EVL: variants seen among roughly 807,000 people sequenced by gnomAD.
EVL encodes the protein ena/VASP-like protein.
In EVL, 21 loss-of-function variants were observed where a neutral mutation model predicts 59.6. That is an observed-to-expected ratio of 0.35 (90% CI 0.25 to 0.51). The LOEUF is 0.51. Among genes scored for constraint, EVL ranks in the 20% least tolerant of loss-of-function variants. EVL has a pLI of 0.97. For synonymous variants in EVL, 198 were observed against 203.5 expected (o/e 0.97, Z 0.23); for missense variants, 462 against 546.6 (o/e 0.85, Z 1.54).
intron 7 of EVL, among the ~76,000 whole-genome samples, 191 bp from the exon 8 acceptor site, chr14:100,132,528 G>A (rs1248387222): frequency 6.6e-6 from 1 of 152,182 alleles, no homozygotes; most frequent in Non-Finnish European, 1.5e-5. Flanking sequence ...CACACGGAGG[G>A]CCTGGACATT....
chr14:100,107,476 T>C (rs1302668571), intron 3 of EVL: 2 of 395,536 alleles, frequency 5.1e-6, no homozygotes, highest in Non-Finnish European at 8.9e-6. Context: ...GGGGAGGATG[T>C]GTGCAGGCCA....
intron 1 of EVL, among the ~76,000 whole-genome samples, chr14:100,075,042 TGGG>T (rs35028831): frequency 1.3e-5 from 2 of 152,050 alleles, no homozygotes; most frequent in Non-Finnish European, 2.9e-5. Flanking sequence ...CTGTGTGACT[TGGG>T]GGAGCCACAC....
At chr14:100,032,004 T>C (rs982501070) in intron 1 of EVL, among the ~76,000 whole-genome samples, 4 of 152,360 alleles carry the variant, frequency 2.6e-5, no homozygotes, top group Middle Eastern at 3.4e-3. Context: ...ACCACTCTTA[T>C]TCATTTTTCA....
In EVL at chr14:99,972,436, G is replaced by T. The variant is rs907781965; in HGVS notation, c.5+379G>T. Among the ~76,000 whole-genome samples, 1 of 152,136 alleles carries T rather than the reference G, an allele frequency of 6.6e-6. No individual in the cohort carries two copies. Among genetic ancestry groups the T allele is most frequent in the African/African-American group, 2.4e-5 (1 of 41,430 alleles). On this transcript the variant is annotated intron_variant, in intron 1 of 13. Transcript: ENST00000402714. The surrounding 1 kb of genome is among the most constrained non-coding windows in gnomAD (Gnocchi z 4.4). ...CGCGCGAGGACCGAAGTTGGCGGAA[G>T]CCCCTGTGCGGTGCCTTCCAGCCCG...
chr14:100,025,096 C>T (rs1293207029), intron 1 of EVL, among the ~76,000 whole-genome samples: 2 of 152,132 alleles, frequency 1.3e-5, no homozygotes, highest in Non-Finnish European at 2.9e-5. Context: ...GCCCTGTTCT[C>T]TAGTCTCAAT....
At chr14:100,133,010 G>T (rs1429768414) in intron 8 of EVL, among the ~76,000 whole-genome samples, 1 of 151,946 alleles carries the variant, frequency 6.6e-6, no homozygotes, top group Non-Finnish European at 1.5e-5. Context: ...CTCCACCCTT[G>T]GAGCTGCAGC....
intron 3 of EVL, among the ~76,000 whole-genome samples, chr14:100,116,705 G>A (rs556806256): frequency 8.5e-5 from 13 of 152,346 alleles, no homozygotes; most frequent in African/African-American, 3.1e-4. Flanking sequence ...CTCCTCCGTA[G>A]GGTCTCTTAG....
At chr14:100,104,200 A>C (rs1243805292) in intron 3 of EVL, among the ~76,000 whole-genome samples, 1 of 152,082 alleles carries the variant, frequency 6.6e-6, no homozygotes, top group Non-Finnish European at 1.5e-5. Flanking sequence ...TACATAGTCT[A>C]CCTCTGCATT....
intron 1 of EVL, among the ~76,000 whole-genome samples, chr14:100,023,756 C>T (rs1237168979): frequency 6.6e-6 from 1 of 152,128 alleles, no homozygotes; most frequent in Non-Finnish European, 1.5e-5. Context: ...GCCACCGTAC[C>T]CAGCCTCCTT....
chr14:100,019,047 G>A (rs2061077041), intron 1 of EVL, among the ~76,000 whole-genome samples: 1 of 152,158 alleles, frequency 6.6e-6, no homozygotes, highest in Non-Finnish European at 1.5e-5. Context: ...GTAAAGTGGT[G>A]GACATAAAAT....
chr14:100,135,853 G>A, intron 8 of EVL, 52 bp from the exon 9 acceptor site: 1 of 1,557,362 alleles, frequency 6.4e-7, no homozygotes, highest in South Asian at 1.1e-5. Flanking sequence ...ATGATGTCCT[G>A]CCCTGGCCCC....
chr14:99,979,598 G>T (rs930087225), intron 1 of EVL, among the ~76,000 whole-genome samples: 1 of 151,838 alleles, frequency 6.6e-6, no homozygotes, highest in Admixed American at 6.6e-5. Flanking sequence ...GGCTGGGTGC[G>T]GTGGCTCACG....
chr14:99,997,013 C>T (rs1481797547), intron 1 of EVL, among the ~76,000 whole-genome samples: 5 of 152,188 alleles, frequency 3.3e-5, no homozygotes, highest in Non-Finnish European at 7.3e-5. Flanking sequence ...ACCCATTTGG[C>T]TAGAAATTGT....
chr14:100,086,623 C>A (rs1161545721), intron 2 of EVL, among the ~76,000 whole-genome samples: 2 of 152,218 alleles, frequency 1.3e-5, no homozygotes. Context: ...GACCTCAGCA[C>A]CTCACAGCCT....
At chr14:99,977,249 TAGC>T (rs1422516578) in intron 1 of EVL, 1 of 152,126 alleles carries the variant, frequency 6.6e-6, no homozygotes, top group Non-Finnish European at 1.5e-5. Context: ...TTGAAAAAAA[TAGC>T]AGTTTAGCTC....
At position 100,078,286 on chromosome 14, in the gene EVL, C is replaced by T. The variant is rs1372850547; in HGVS notation, c.12-6401C>T. Among the ~76,000 whole-genome samples the T allele has an allele frequency of 4.6e-5, 7 of 152,232 alleles. No homozygotes were observed. In the East Asian group the frequency reaches 1.4e-3, roughly 29 times the overall value. On this transcript the variant is annotated intron_variant, in intron 1 of 13. Coordinates refer to ENST00000392920, the MANE Select transcript of EVL (RefSeq NM_016337.3). ...TTCCCTGGACCCGGGATTAAAAACACTTGACATAAAAGATAAGTAGAAAGG... is the reference window on the plus strand; with the variant it reads ...TTCCCTGGACCCGGGATTAAAAACATTTGACATAAAAGATAAGTAGAAAGG...
At chr14:100,125,845 C>T (rs3783336) in intron 4 of EVL, among the ~76,000 whole-genome samples, 86,552 of 151,994 alleles carry the variant, frequency 0.57, 26,587 homozygotes, top group Non-Finnish European at 0.66. Flanking sequence ...TGAGCCACCA[C>T]GCCCAGCCAT....
At chr14:99,990,463 CTG>C (rs2060868136) in intron 1 of EVL, among the ~76,000 whole-genome samples, 3 of 152,124 alleles carry the variant, frequency 2.0e-5, no homozygotes, top group Admixed American at 1.3e-4. Context: ...TCTTGCGAAA[CTG>C]AAACTCTAAA....
intron 1 of EVL, among the ~76,000 whole-genome samples, chr14:100,073,334 T>TG (rs1403348457): frequency 1.3e-5 from 2 of 151,150 alleles, no homozygotes; most frequent in Non-Finnish European, 3.0e-5. Flanking sequence ...TTTTTTTTTT[T>TG]TTGGGGAGAC....
Sources: gnomAD v4.1 joint callset for allele counts (sites outside exome capture counted in the v4.1 genomes callset) on GRCh38, gnomAD v4.1.1 for gene constraint, Gnocchi (gnomAD v3.1) non-coding constraint, MANE v1.5 for transcripts, NCBI Gene and HGNC (gene_info 2026-07-23, HGNC 2026-07-21) for gene names.